The following ZNF81 variants were observed in gnomAD, a reference collection of about 807,000 sequenced individuals.
ZNF81 encodes the protein zinc finger protein 81 (HFZ20).
In ZNF81, 5 loss-of-function variants were observed where a neutral mutation model predicts 32.3. That is an observed-to-expected ratio of 0.15 (90% confidence interval 0.08 to 0.33). The LOEUF is 0.33. ZNF81 is among the 10% of genes least tolerant of loss of function. The pLI is 1.00. For missense variants in ZNF81, 379 were observed against 479.8 expected (o/e 0.79, Z 1.96); for synonymous variants, 163 against 166.8 (o/e 0.98, Z 0.17).
intron 3 of ZNF81, among the ~76,000 whole-genome samples, chrX:47,890,634 C>G (rs782207085): frequency 8.9e-6 from 1 of 111,893 alleles, no homozygotes; most frequent in East Asian, 2.8e-4. Context: ...GCTTGCACAG[C>G]AGCCTGGATC....
At chrX:47,875,783 A>T (rs2058597534) in intron 2 of ZNF81, among the ~76,000 whole-genome samples, 1 of 112,209 alleles carries the variant, frequency 8.9e-6, no homozygotes, top group East Asian at 2.8e-4. Flanking sequence ...ATAAGCATTA[A>T]GCCCACTGAT....
chrX:47,896,694 A>G (rs1556887282), intron 4 of ZNF81, among the ~76,000 whole-genome samples: 2 of 112,229 alleles, frequency 1.8e-5, no homozygotes, highest in Non-Finnish European at 3.8e-5. Flanking sequence ...ATTGTGATAT[A>G]TACCATTCCT....
At chrX:47,849,161 A>C (rs2058483307) in intron 2 of ZNF81, among the ~76,000 whole-genome samples, 1 of 111,899 alleles carries the variant, frequency 8.9e-6, no homozygotes, top group Non-Finnish European at 1.9e-5. Flanking sequence ...AAATATATAC[A>C]GGGGGGTGAA....
chrX:47,876,162 T>C (rs1237409475), intron 2 of ZNF81, among the ~76,000 whole-genome samples: 1 of 112,331 alleles, frequency 8.9e-6, no homozygotes, highest in Non-Finnish European at 1.9e-5. Flanking sequence ...GCTCATAAGC[T>C]CTTAAGAAAA....
intron 4 of ZNF81, among the ~76,000 whole-genome samples, chrX:47,902,889 C>T (rs887838699): frequency 9.0e-6 from 1 of 111,310 alleles, no homozygotes; most frequent in Non-Finnish European, 1.9e-5. Context: ...CCCATCTCTA[C>T]TAAAAATATA....
intron 4 of ZNF81, among the ~76,000 whole-genome samples, chrX:47,909,847 G>A (rs781999753): frequency 1.9e-5 from 2 of 103,198 alleles, no homozygotes; most frequent in African/African-American, 7.1e-5. Flanking sequence ...CTATGAGTGA[G>A]AACATGCGGT....
Position 47,873,887 on chromosome X carries a change from G to A in ZNF81, c.55-14112G>A, listed in dbSNP as rs145798028. 6.1e-3 allele frequency among the ~76,000 whole-genome samples: 675 copies of A among 110,843 alleles called. 5 individuals carry two copies. Among genetic ancestry groups the A allele is most frequent in the African/African-American group, 0.021 (653 of 30,426 alleles). ...TCACCATGTTGCTCAGGCTCATCTC[G>A]AACTCCTTGGCCTCAAGCAATCTGC... On this transcript the variant is annotated intron_variant, in intron 2 of 4. Coordinates refer to ENST00000338637, the MANE Select transcript of ZNF81 (RefSeq NM_007137.5).
intron 2 of ZNF81, among the ~76,000 whole-genome samples, chrX:47,848,463 T>G (rs2148005994): frequency 8.9e-6 from 1 of 112,258 alleles, no homozygotes; most frequent in African/African-American, 3.2e-5. Context: ...GTTATATTTT[T>G]TCTTTTAAGT....
At chrX:47,914,435 C>T (rs782677998) in intron 4 of ZNF81, among the ~76,000 whole-genome samples, 2 of 111,866 alleles carry the variant, frequency 1.8e-5, no homozygotes, top group South Asian at 3.7e-4. Context: ...GCTATTGCTG[C>T]GTTGTAGTGC....
At chrX:47,879,849 CA>C (rs2058613759) in intron 2 of ZNF81, among the ~76,000 whole-genome samples, 2 of 111,933 alleles carry the variant, frequency 1.8e-5, no homozygotes, top group African/African-American at 6.5e-5. Context: ...TAATCTATGG[CA>C]AATCTCCCAG....
At chrX:47,907,542 GA>G (rs1291012354) in intron 4 of ZNF81, among the ~76,000 whole-genome samples, 16 of 106,560 alleles carry the variant, frequency 1.5e-4, no homozygotes, top group East Asian at 8.7e-4. Context: ...ATTTTTTGTA[GA>G]AAAAAAAAAT....
At chrX:47,867,355 C>G (rs2058564051) in intron 2 of ZNF81, among the ~76,000 whole-genome samples, 1 of 112,127 alleles carries the variant, frequency 8.9e-6, no homozygotes, top group Admixed American at 9.4e-5. Flanking sequence ...TTTACAAATA[C>G]AAGTTTTTTC....
In ZNF81 at chrX:47,884,202, G is replaced by A. The variant is rs187737084; in HGVS notation, c.55-3797G>A. 2.6e-3 allele frequency among the ~76,000 whole-genome samples: 252 copies of A among 96,195 alleles called. 1 individual carries two copies. Among genetic ancestry groups the A allele is most frequent in the African/African-American group, 9.3e-3 (235 of 25,361 alleles). 83.5% of individuals were successfully genotyped at this position (96,195 alleles called of 115,157 possible). A position where few individuals can be genotyped will look rare whatever the true frequency, so the allele number is the denominator to read the frequency against. Reference sequence around the variant, plus strand: ...GGAGGTTGCAGTGAGCTGAGATCGCGCCACTGCACTCCAGCCTGGGCGACA... The same window carrying A: ...GGAGGTTGCAGTGAGCTGAGATCGCACCACTGCACTCCAGCCTGGGCGACA... On this transcript the variant is annotated intron_variant, in intron 2 of 4. Coordinates refer to ENST00000338637, the MANE Select transcript of ZNF81 (RefSeq NM_007137.5).
intron 2 of ZNF81, among the ~76,000 whole-genome samples, chrX:47,884,415 C>T (rs2058633436): frequency 1.8e-5 from 2 of 109,419 alleles, no homozygotes; most frequent in Non-Finnish European, 3.8e-5. Context: ...TACATGGGTC[C>T]TCTCACTCAG....
chrX:47,865,860 G>A (rs1264463861), intron 2 of ZNF81, among the ~76,000 whole-genome samples: 1 of 111,495 alleles, frequency 9.0e-6, no homozygotes, highest in African/African-American at 3.3e-5. Flanking sequence ...CCTGAACTTC[G>A]TCAGAATTTA....
chrX:47,899,994 A>G (rs782186779), intron 4 of ZNF81, among the ~76,000 whole-genome samples: 4 of 111,174 alleles, frequency 3.6e-5, no homozygotes, highest in Non-Finnish European at 5.7e-5. Context: ...ATAATCTATA[A>G]CTCAGGTTGG....
At chrX:47,889,523 G>A (rs1418251743) in intron 3 of ZNF81, among the ~76,000 whole-genome samples, 5 of 112,183 alleles carry the variant, frequency 4.5e-5, no homozygotes, top group Admixed American at 2.8e-4. Context: ...TCTGTTTTCA[G>A]GGCTGAGGGG....
chrX:47,871,522 G>A (rs2058580292), intron 2 of ZNF81, among the ~76,000 whole-genome samples: 1 of 111,465 alleles, frequency 9.0e-6, no homozygotes, highest in South Asian at 3.7e-4. Flanking sequence ...CATTTTGAAC[G>A]GGAATATCAG....
Position 47,920,945 on chromosome X carries a change from T to A in ZNF81, c.*4313T>A, listed in dbSNP as rs2058774702. 9.0e-6 allele frequency: 1 copy of A among 111,574 alleles called. No homozygotes were observed. The highest frequency in any genetic ancestry group is 9.5e-5 in the Admixed American group (1 of 10,491). 9.2% of individuals were successfully genotyped at this position (111,574 alleles called of 1,213,427 possible). ...ATGGCCCAGGAGAGGCACTTGTCTTTTATTATATTTCAAGCTAGTTGGTTG... is the reference window on the plus strand; with the variant it reads ...ATGGCCCAGGAGAGGCACTTGTCTTATATTATATTTCAAGCTAGTTGGTTG... On this transcript the variant is annotated 3_prime_UTR_variant, in exon 5 of 5. Transcript: ENST00000338637.
Sources: gnomAD v4.1 joint callset for allele counts (sites outside exome capture counted in the v4.1 genomes callset) on GRCh38, gnomAD v4.1.1 for gene constraint, MANE v1.5 for transcripts, NCBI Gene and HGNC (gene_info 2026-07-23, HGNC 2026-07-21) for gene names.